CFAP418: variants seen among roughly 807,000 people sequenced by gnomAD.
The protein encoded by CFAP418 is cilia- and flagella-associated protein 418.
In CFAP418, 27 loss-of-function variants were observed where a neutral mutation model predicts 24.7. That is an observed-to-expected ratio of 1.09 (90% CI 0.81 to 1.51). The LOEUF is 1.51. CFAP418 is among the 40% of genes most tolerant of loss of function. The probability of loss-of-function intolerance (pLI) is 0.00; values close to 1 mark genes in which losing one functional copy is unlikely to be tolerated. For synonymous variants in CFAP418, 74 were observed against 87.3 expected (o/e 0.85, Z 0.85); for missense variants, 257 against 255.2 (o/e 1.01, Z -0.05).
chr8:95,265,642 A>G (rs977622094), intron 1 of CFAP418, among the ~76,000 whole-genome samples: 1 of 152,066 alleles, frequency 6.6e-6, no homozygotes, highest in Non-Finnish European at 1.5e-5. Flanking sequence ...CCCTCATGCA[A>G]TTTCACAATT....
At chr8:95,249,115 A>G (rs1811670711) in intron 5 of CFAP418, among the ~76,000 whole-genome samples, 1 of 152,206 alleles carries the variant, frequency 6.6e-6, no homozygotes, top group South Asian at 2.1e-4. Context: ...CCTTTATTTG[A>G]TCTGCAAAAT....
chr8:95,262,485 G>A (rs1291969114), intron 2 of CFAP418, among the ~76,000 whole-genome samples: 4 of 151,922 alleles, frequency 2.6e-5, no homozygotes, highest in Non-Finnish European at 5.9e-5. Flanking sequence ...ACAAAACCCT[G>A]GTACTATAGT....
rs1436431554 is a variant in CFAP418, at chr8:95,269,145, C to G, written c.45G>C (p.Lys15Asn). 6.2e-7 allele frequency: 1 copy of G among 1,614,100 alleles called. No homozygotes were observed. Among genetic ancestry groups the G allele is most frequent in the Non-Finnish European group, 8.5e-7 (1 of 1,180,032 alleles). Residue 15 changes from lysine (K) to asparagine (N), a missense_variant, in exon 1 of 6, where the codon AAG becomes AAC. Transcript: ENST00000286688. ...GTCTTAGAAGGTCAGGTGTGCAAAA[C>G]TTGGACTCGACTTCATCCAAGAGCT... ...LDELLDEVESKFCTPDLLRRG... is the reference protein window; with the variant it reads ...LDELLDEVESNFCTPDLLRRG...
intron 1 of CFAP418, among the ~76,000 whole-genome samples, chr8:95,268,517 G>C (rs911088200): frequency 6.6e-6 from 1 of 151,918 alleles, no homozygotes; most frequent in Non-Finnish European, 1.5e-5. Flanking sequence ...AGACAAATAG[G>C]ATTGACCTGG....
intron 1 of CFAP418, among the ~76,000 whole-genome samples, chr8:95,264,982 A>C (rs1811952747): frequency 6.6e-6 from 1 of 152,152 alleles, no homozygotes; most frequent in Non-Finnish European, 1.5e-5. Context: ...ACCCTTTCTT[A>C]CTCACTACTG....
In CFAP418 at chr8:95,246,116, G is replaced by C. The variant is rs998647818; in HGVS notation, c.*1501C>G. 1.3e-5 allele frequency: 2 copies of C among 152,050 alleles called. No individual in the cohort carries two copies. The highest frequency in any genetic ancestry group is 6.6e-5 in the Admixed American group (1 of 15,248). The allele number at this position is 152,050 out of a possible 1,614,324, so 9.4% of individuals were successfully genotyped here. On this transcript the variant is annotated 3_prime_UTR_variant, in exon 6 of 6. Coordinates refer to ENST00000286688, the MANE Select transcript of CFAP418 (RefSeq NM_177965.4). ...AAATTTTCCTGCCTCGGCCTCCCGA[G>C]TAGTTGGGATTACAGGCATGCACCA...
chr8:95,265,621 C>T (rs149168037), intron 1 of CFAP418, among the ~76,000 whole-genome samples: 11 of 152,204 alleles, frequency 7.2e-5, no homozygotes, highest in African/African-American at 2.2e-4. Context: ...ACATACTTTC[C>T]GGGTTCTCCT....
rs754647557 is a variant in CFAP418 at position 95,269,162 on chromosome 8, C to T, written c.28G>A (p.Asp10Asn). 1.9e-6 allele frequency: 3 copies of T among 1,614,206 alleles called. No individual in the cohort carries two copies. Among genetic ancestry groups the T allele is most frequent in the Non-Finnish European group, 2.5e-6 (3 of 1,180,008 alleles). Residue 10 changes from aspartate (D) to asparagine (N), a missense_variant, in exon 1 of 6, where the codon GAT (aspartate) becomes AAT (asparagine). Transcript: ENST00000286688. ...GTGCAAAACTTGGACTCGACTTCAT[C>T]CAAGAGCTCGTCCAGGTCCTCCGCC... The part of the protein sequence containing the change: MAEDLDELL[D>N]EVESKFCTPD...
chr8:95,263,666 T>C, intron 2 of CFAP418, 21 bp downstream of exon 2: 1 of 1,444,540 alleles, frequency 6.9e-7, no homozygotes, highest in Non-Finnish European at 9.7e-7. Flanking sequence ...AATTACTACA[T>C]ATTTATAACA....
intron 2 of CFAP418, among the ~76,000 whole-genome samples, chr8:95,262,468 TTAAAA>T (rs906219006): frequency 1.8e-4 from 28 of 152,304 alleles, no homozygotes; most frequent in Non-Finnish European, 3.4e-4. Context: ...TCCCTATCCT[TTAAAA>T]AACAAAACCC....
rs1811616381 is a variant in CFAP418 at position 95,246,048 on chromosome 8, G to A, written c.*1569C>T. The A allele has an allele frequency of 6.6e-6, 1 of 151,830 alleles. No individual in the cohort carries two copies. Among genetic ancestry groups the A allele is most frequent in the South Asian group, 2.1e-4 (1 of 4,816 alleles). 9.4% of individuals were successfully genotyped at this position (151,830 alleles called of 1,614,324 possible). On this transcript the variant is annotated 3_prime_UTR_variant, in exon 6 of 6. Transcript: ENST00000286688. Reference sequence around the variant, plus strand: ...GTGTTGTCCAGGCTGGAGCGCAGTGGCGCGACCTTGGCTCACTACAACCTC... The same window carrying A: ...GTGTTGTCCAGGCTGGAGCGCAGTGACGCGACCTTGGCTCACTACAACCTC...
At chr8:95,267,642 C>T (rs998694982) in intron 1 of CFAP418, among the ~76,000 whole-genome samples, 1 of 152,012 alleles carries the variant, frequency 6.6e-6, no homozygotes, top group African/African-American at 2.4e-5. Context: ...GCCAGGTGAA[C>T]TGGATAGTAA....
intron 4 of CFAP418, among the ~76,000 whole-genome samples, chr8:95,253,262 A>G (rs1811736542): frequency 6.6e-6 from 1 of 151,918 alleles, no homozygotes; most frequent in South Asian, 2.1e-4. Context: ...GTGAGGGGAG[A>G]TCGCGCCACT....
At chr8:95,254,471 A>G (rs191871447) in intron 4 of CFAP418, among the ~76,000 whole-genome samples, 18 of 152,308 alleles carry the variant, frequency 1.2e-4, no homozygotes, top group African/African-American at 4.1e-4. Flanking sequence ...ACATAAAAGC[A>G]TATCTAATAT....
chr8:95,265,211 C>T (rs529636329), intron 1 of CFAP418, among the ~76,000 whole-genome samples: 1 of 152,138 alleles, frequency 6.6e-6, no homozygotes, highest in South Asian at 2.1e-4. Flanking sequence ...AATAGCACAC[C>T]CTTCCCCAGG....
rs1291556939 is a variant in CFAP418 at position 95,252,290 on chromosome 8, A to C, written c.375-7T>G. On this transcript the variant is annotated splice_region_variant and splice_polypyrimidine_tract_variant and intron_variant, in intron 4 of 5. Coordinates refer to ENST00000286688, the MANE Select transcript of CFAP418 (RefSeq NM_177965.4). ...ACGCAGATGGTCACATGCTCTGTTC[A>C]GAGAAAAAAAATTGTATATTAAAGA... is the stretch of plus-strand genomic sequence containing the variant. The C allele has an allele frequency of 1.1e-5, 18 of 1,596,268 alleles. No individual in the cohort carries two copies. The highest frequency in any genetic ancestry group is 1.5e-5 in the Non-Finnish European group (17 of 1,169,796).
intron 4 of CFAP418, among the ~76,000 whole-genome samples, chr8:95,255,659 G>A (rs1004644252): frequency 2.0e-5 from 3 of 152,118 alleles, no homozygotes; most frequent in Non-Finnish European, 4.4e-5. Flanking sequence ...ATCAAAATTT[G>A]TTCATTTAAT....
intron 4 of CFAP418, 92 bp downstream of exon 4, chr8:95,259,748 A>G (rs1431972821): frequency 7.7e-6 from 7 of 909,922 alleles, no homozygotes; most frequent in Non-Finnish European, 1.2e-5. Flanking sequence ...TATAAAACAG[A>G]TTGATGTGAA....
chr8:95,268,405 T>TTGG (rs1400664619), intron 1 of CFAP418, among the ~76,000 whole-genome samples: 1 of 146,710 alleles, frequency 6.8e-6, no homozygotes, highest in Non-Finnish European at 1.5e-5. Context: ...AACCCGGGAG[T>TTGG]TGGAGGCTGC....
Sources: gnomAD v4.1 joint callset for allele counts (sites outside exome capture counted in the v4.1 genomes callset) on GRCh38, gnomAD v4.1.1 for gene constraint, MANE v1.5 for transcripts, NCBI Gene and HGNC (gene_info 2026-07-23, HGNC 2026-07-21) for gene names.